ACOXL: variants seen among roughly 807,000 people sequenced by gnomAD.
The protein encoded by ACOXL is acyl-CoA oxidase like.
Under a neutral mutation model 71.9 loss-of-function variants are expected in ACOXL, and 70 were observed. The observed-to-expected ratio is 0.97, with a 90% confidence interval of 0.80 to 1.19. ACOXL has a LOEUF of 1.19. ACOXL is among the 50% of genes most tolerant of loss of function. ACOXL has a pLI of 0.00. For synonymous variants in ACOXL, 253 were observed against 281.6 expected (o/e 0.90, Z 1.02); for missense variants, 703 against 736.3 (o/e 0.95, Z 0.52).
chr2:110,835,405 A>G (rs543370382), intron 9 of ACOXL, among the ~76,000 whole-genome samples: 24 of 152,244 alleles, frequency 1.6e-4, no homozygotes, highest in Non-Finnish European at 2.6e-4. Context: ...ACAGAAAGGA[A>G]CACAGAAAGG....
rs569028897 is a variant in ACOXL, at chr2:111,016,060, G to A, written c.1282-15567G>A. On this transcript the variant is annotated intron_variant, in intron 14 of 17. Transcript: ENST00000439055. Reference sequence around the variant, plus strand: ...CAATCCTCCTGCGTCAGCCTCCTGAGTAGCTAGGACTATGGGCATGTCCCA... The same window carrying A: ...CAATCCTCCTGCGTCAGCCTCCTGAATAGCTAGGACTATGGGCATGTCCCA... 3.3e-5 allele frequency among the ~76,000 whole-genome samples: 5 copies of A among 152,060 alleles called. No individual in the cohort carries two copies. In the South Asian group the frequency reaches 6.2e-4, roughly 19 times the overall value.
At chr2:111,099,115 C>T (rs2068969803) in intron 17 of ACOXL, 1 of 152,188 alleles carries the variant, frequency 6.6e-6, no homozygotes, top group African/African-American at 2.4e-5. Flanking sequence ...TCCTTTGGCA[C>T]ACTCTAGGGC....
At chr2:110,742,975 G>A (rs1226266500) in intron 1 of ACOXL, among the ~76,000 whole-genome samples, 1 of 152,202 alleles carries the variant, frequency 6.6e-6, no homozygotes. Context: ...GGCATTTAGT[G>A]TGTTCTCAAT....
chr2:110,823,250 CAAAA>C (rs879569948), intron 9 of ACOXL, among the ~76,000 whole-genome samples: 1 of 84,548 alleles, frequency 1.2e-5, no homozygotes. Flanking sequence ...GACTCCATCT[CAAAA>C]AAAAAAAAAA....
chr2:110,942,198 G>A (rs1002706583), intron 12 of ACOXL, among the ~76,000 whole-genome samples: 2 of 152,076 alleles, frequency 1.3e-5, no homozygotes, highest in African/African-American at 4.8e-5. Flanking sequence ...AAAACAAATA[G>A]CAAAATGGTA....
chr2:110,825,073 A>G (rs191456596), intron 9 of ACOXL, among the ~76,000 whole-genome samples: 1 of 152,282 alleles, frequency 6.6e-6, no homozygotes, highest in Admixed American at 6.5e-5. Context: ...CATTGCTTTG[A>G]GTTTGTCCCA....
chr2:110,763,870 A>G (rs1046312721), intron 1 of ACOXL, among the ~76,000 whole-genome samples: 3 of 152,190 alleles, frequency 2.0e-5, no homozygotes, highest in African/African-American at 7.2e-5. Context: ...AACCCCATCA[A>G]AAAATGGGCC....
intron 8 of ACOXL, among the ~76,000 whole-genome samples, chr2:110,804,498 T>C (rs1686388116): frequency 6.6e-6 from 1 of 152,124 alleles, no homozygotes; most frequent in Non-Finnish European, 1.5e-5. Context: ...ACAAGAGAAA[T>C]GCAAACCTAT....
At chr2:111,086,014 G>A (rs926472159) in intron 16 of ACOXL, among the ~76,000 whole-genome samples, 2 of 152,102 alleles carry the variant, frequency 1.3e-5, no homozygotes, top group African/African-American at 4.8e-5. Flanking sequence ...GGCTGAACTA[G>A]GAAGAAACTG....
intron 10 of ACOXL, among the ~76,000 whole-genome samples, chr2:110,889,054 G>A (rs548421581): frequency 1.3e-5 from 2 of 152,306 alleles, no homozygotes; most frequent in Admixed American, 6.5e-5. Flanking sequence ...TCTGCATGGA[G>A]TGTTCCTGAA....
intron 17 of ACOXL, among the ~76,000 whole-genome samples, chr2:111,102,811 T>C (rs2069260698): frequency 1.3e-5 from 2 of 152,254 alleles, no homozygotes; most frequent in South Asian, 4.1e-4. Context: ...TAAATTGATA[T>C]TCTAGCTAGA....
intron 2 of ACOXL, among the ~76,000 whole-genome samples, chr2:110,776,091 A>T (rs527896204): frequency 6.6e-6 from 1 of 152,350 alleles, no homozygotes; most frequent in East Asian, 1.9e-4. Context: ...TTCAGCCTTA[A>T]AAGGGAAGGG....
chr2:110,855,159 C>T (rs189081238), intron 10 of ACOXL, among the ~76,000 whole-genome samples: 1 of 152,098 alleles, frequency 6.6e-6, no homozygotes, highest in Non-Finnish European at 1.5e-5. Context: ...TTTTGTATAC[C>T]TGAAAGCAAG....
At chr2:110,933,367 C>A in intron 11 of ACOXL, 122 bp from the exon 12 acceptor site, 1 of 1,233,628 alleles carries the variant, frequency 8.1e-7, no homozygotes, top group Non-Finnish European at 1.1e-6. Flanking sequence ...AGTTTAAAAT[C>A]TGCATCACTG....
rs561396522 is a variant in ACOXL at position 110,738,327 on chromosome 2, T to G, written c.-23+5553T>G. ...TTGTTTTAACTTTCCGAGTTTTGGG[T>G]GCAGTCTTACATAGCCATAGATAAC... On this transcript the variant is annotated intron_variant, in intron 1 of 17. Transcript: ENST00000439055. Among the ~76,000 whole-genome samples the G allele has an allele frequency of 3.3e-5, 5 of 152,296 alleles. No homozygotes were observed. The East Asian group carries it at 9.6e-4, about 29-fold the overall frequency.
At chr2:111,049,537 G>T (rs1377218509) in intron 16 of ACOXL, among the ~76,000 whole-genome samples, 3 of 152,054 alleles carry the variant, frequency 2.0e-5, no homozygotes, top group Non-Finnish European at 4.4e-5. Context: ...CTCTCCAGAG[G>T]GCTCAGTTGG....
At chr2:110,895,056 AG>A (rs1392636098) in intron 10 of ACOXL, among the ~76,000 whole-genome samples, 2 of 152,258 alleles carry the variant, frequency 1.3e-5, no homozygotes, top group African/African-American at 4.8e-5. Context: ...GAATGAGTAA[AG>A]AAAATCAATA....
chr2:111,091,541 T>G (rs1294331601), intron 16 of ACOXL, among the ~76,000 whole-genome samples: 1 of 152,228 alleles, frequency 6.6e-6, no homozygotes, highest in Non-Finnish European at 1.5e-5. Flanking sequence ...ATGATTTGGC[T>G]TAACCACATA....
chr2:110,821,425 G>A (rs892200760), intron 9 of ACOXL, among the ~76,000 whole-genome samples: 1 of 152,140 alleles, frequency 6.6e-6, no homozygotes, highest in Non-Finnish European at 1.5e-5. Flanking sequence ...ATGCAGCGGG[G>A]CCCAGAGCTG....
Sources: allele counts gnomAD v4.1 joint callset (sites outside exome capture counted in the v4.1 genomes callset), GRCh38; gene constraint gnomAD v4.1.1; transcripts MANE v1.5; gene names NCBI Gene and HGNC (gene_info 2026-07-23, HGNC 2026-07-21).